MCF2L: variants seen among roughly 807,000 people sequenced by gnomAD.
The protein encoded by MCF2L is guanine nucleotide exchange factor DBS.
A neutral mutation model predicts 153.4 loss-of-function variants in MCF2L; 97 were observed. That is an observed-to-expected ratio of 0.63 (90% confidence interval 0.54 to 0.75). MCF2L has a LOEUF of 0.75. MCF2L is among the 30% of genes least tolerant of loss of function. MCF2L has a pLI of 0.00. For synonymous variants in MCF2L, 659 were observed against 632.2 expected, an observed-to-expected ratio of 1.04 and a Z score of -0.64; for missense variants, 1,347 against 1,495.2, an observed-to-expected ratio of 0.90 and a Z score of 1.64.
chr13:113,062,869 G>A (rs1040913681), intron 5 of MCF2L, among the ~76,000 whole-genome samples: 4 of 152,250 alleles, frequency 2.6e-5, no homozygotes, highest in Non-Finnish European at 5.9e-5. Flanking sequence ...TGCGGCCGTC[G>A]CAACCACAGG....
rs1271497041 is a variant in MCF2L, at chr13:113,027,953, GA to G, written c.278+3197del. 6.6e-6 allele frequency among the ~76,000 whole-genome samples: 1 copy of G among 152,202 alleles called. No homozygotes were observed. Among genetic ancestry groups the G allele is most frequent in the Non-Finnish European group, 1.5e-5 (1 of 68,022 alleles). On this transcript the variant is annotated intron_variant, in intron 3 of 29. Coordinates refer to ENST00000535094, the MANE Select transcript of MCF2L (RefSeq NM_001112732.3). This position sits in a 1 kb window ranked among gnomAD's most constrained non-coding sequence, Gnocchi z 4.8. ...CCTTTGTCTGTCACCTGCACAGGAGGAAGGGCCTGTGTCCCAGGGGACGGCC... is the reference window on the plus strand; with the variant it reads ...CCTTTGTCTGTCACCTGCACAGGAGGAGGGCCTGTGTCCCAGGGGACGGCC...
At chr13:112,944,750 T>C (rs1301511212) in intron 2 of MCF2L, among the ~76,000 whole-genome samples, 1 of 152,032 alleles carries the variant, frequency 6.6e-6, no homozygotes, top group Admixed American at 6.6e-5. Context: ...CCTCCCAAAG[T>C]GCTGGGATTA....
chr13:112,945,270 C>T (rs1268645165), intron 2 of MCF2L, among the ~76,000 whole-genome samples: 1 of 152,142 alleles, frequency 6.6e-6, no homozygotes, highest in Non-Finnish European at 1.5e-5. Flanking sequence ...TAACAGGAAG[C>T]ATGAACCCTC....
rs1400655131 is a variant in MCF2L, at chr13:113,084,077, G to A, written c.2061+10G>A. On this transcript the variant is annotated intron_variant, in intron 18 of 29. Transcript: ENST00000535094. The stretch of plus-strand genomic sequence containing the variant: ...ATGCTTTCTGGAGAGGGTAGGTGGT[G>A]TTTTGACGTGTATTTTGTCACAACT... 8 of 1,611,256 alleles carry A rather than the reference G, an allele frequency of 5.0e-6. No homozygotes were observed. Among genetic ancestry groups the A allele is most frequent in the Non-Finnish European group, 6.8e-6 (8 of 1,177,490 alleles).
chr13:113,083,264 C>T (rs559648445), intron 17 of MCF2L, among the ~76,000 whole-genome samples: 1 of 152,166 alleles, frequency 6.6e-6, no homozygotes, highest in African/African-American at 2.4e-5. Context: ...ACCAGCGTGC[C>T]CCACTGGCCA....
intron 2 of MCF2L, among the ~76,000 whole-genome samples, chr13:113,015,636 G>C (rs574557976): frequency 6.6e-6 from 1 of 152,312 alleles, no homozygotes; most frequent in East Asian, 1.9e-4. Flanking sequence ...GAGCCAGCCT[G>C]CACCCCAGGC....
At position 113,049,462 on chromosome 13, in the gene MCF2L, G is replaced by A. The variant is rs535982849; in HGVS notation, c.369+4101G>A. 9.2e-5 allele frequency among the ~76,000 whole-genome samples: 14 copies of A among 152,304 alleles called. No individual in the cohort carries two copies. In the East Asian group the frequency reaches 2.5e-3, roughly 27 times the overall value. On this transcript the variant is annotated intron_variant, in intron 4 of 29. Transcript: ENST00000535094. Reference sequence around the variant, plus strand: ...ATCTTGATTCAGTTTTTTGGAAATGGTGCAGTTGACCTGACGTGGGGACAC... The same window carrying A: ...ATCTTGATTCAGTTTTTTGGAAATGATGCAGTTGACCTGACGTGGGGACAC...
chr13:113,093,735 G>C (rs2035411830), intron 26 of MCF2L: 1 of 152,358 alleles, frequency 6.6e-6, no homozygotes, highest in African/African-American at 2.4e-5. Context: ...TTTGGCAGCA[G>C]GTGGGATGCG....
chr13:113,018,652 C>A (rs1259260389), intron 2 of MCF2L, among the ~76,000 whole-genome samples: 4 of 152,162 alleles, frequency 2.6e-5, no homozygotes, highest in Admixed American at 2.6e-4. Context: ...AAAGATACTT[C>A]AACTTGCTGA....
In MCF2L at chr13:113,058,143, G is replaced by A. The variant is rs73576891; in HGVS notation, c.370-2450G>A. 2.8e-3 allele frequency among the ~76,000 whole-genome samples: 419 copies of A among 149,380 alleles called. 4 individuals carry two copies. The highest frequency in any genetic ancestry group is 9.6e-3 in the African/African-American group (388 of 40,564). On this transcript the variant is annotated intron_variant, in intron 4 of 29. Coordinates refer to ENST00000535094, the MANE Select transcript of MCF2L (RefSeq NM_001112732.3). The stretch of plus-strand genomic sequence containing the variant: ...CTGAGTGTTTAGGTGCTGAGTGGGC[G>A]CTGTGTGTTTGGGCGCTGAGTGTTT...
intron 2 of MCF2L, chr13:112,917,346 C>G (rs991399818): frequency 2.7e-6 from 1 of 364,070 alleles, no homozygotes; most frequent in African/African-American, 2.1e-5. Flanking sequence ...TCGTCCTCAT[C>G]TGTGTTTTCA....
At chr13:112,915,716 G>C (rs551515026) in intron 2 of MCF2L, among the ~76,000 whole-genome samples, 29 of 152,100 alleles carry the variant, frequency 1.9e-4, no homozygotes, top group African/African-American at 6.8e-4. Context: ...TTTCTTTCTT[G>C]TCAATTTTTG....
At chr13:113,083,932 C>A in intron 17 of MCF2L, 66 bp from the exon 18 acceptor site, 2 of 1,151,416 alleles carry the variant, frequency 1.7e-6, no homozygotes, top group Non-Finnish European at 2.6e-6. Context: ...TGACGTCCAT[C>A]CACTTGTCAC....
At chr13:112,975,829 G>A (rs764192790) in intron 1 of MCF2L, among the ~76,000 whole-genome samples, 3 of 152,220 alleles carry the variant, frequency 2.0e-5, no homozygotes, top group South Asian at 4.1e-4. Flanking sequence ...GGTGACATCC[G>A]TGGTCACTGT....
At chr13:113,073,616 A>G (rs2033136472) in intron 9 of MCF2L, among the ~76,000 whole-genome samples, 1 of 152,212 alleles carries the variant, frequency 6.6e-6, no homozygotes, top group African/African-American at 2.4e-5. Flanking sequence ...ATAAGTGGTC[A>G]TATGTTTTAA....
rs118044020 is a variant in MCF2L, at chr13:113,002,806, T to G, written c.80-11957T>G. ...GAATAATTCATAAAATAAGCATCTT[T>G]GTGAATTTTAGTGAATCAGACCTTA... is the stretch of plus-strand genomic sequence containing the variant. On this transcript the variant is annotated intron_variant, in intron 1 of 29. Coordinates refer to ENST00000535094, the MANE Select transcript of MCF2L (RefSeq NM_001112732.3). 7.5e-3 allele frequency among the ~76,000 whole-genome samples: 1,150 copies of G among 152,366 alleles called. 5 individuals carry two copies. Among genetic ancestry groups the G allele is most frequent in the Admixed American group, 0.014 (213 of 15,308 alleles).
Position 113,064,516 on chromosome 13 carries a change from C to T in MCF2L, c.606+96C>T, listed in dbSNP as rs2032056192. ...TACAACACGGCCCTTTCCAAAAACA[C>T]ATTCACATTAACAGTCGTTTTCTTT... On this transcript the variant is annotated intron_variant, in intron 6 of 29. Transcript: ENST00000535094. This position sits in a 1 kb window ranked among gnomAD's most constrained non-coding sequence, Gnocchi z 6.0. 9.2e-6 allele frequency: 7 copies of T among 763,706 alleles called. No individual in the cohort carries two copies. The highest frequency in any genetic ancestry group is 8.7e-5 in the South Asian group (6 of 69,144). The allele number at this position is 763,706 out of a possible 1,614,324, so 47.3% of individuals were successfully genotyped here. A position where few individuals can be genotyped will look rare whatever the true frequency, so the allele number is the denominator to read the frequency against.
intron 1 of MCF2L, among the ~76,000 whole-genome samples, chr13:113,000,942 A>T (rs2083342752): frequency 6.6e-6 from 1 of 151,872 alleles, no homozygotes; most frequent in Non-Finnish European, 1.5e-5. Context: ...ATGTGCGTTG[A>T]CTCCAGCACT....
chr13:113,065,887 G>C (rs2032282894), intron 7 of MCF2L, among the ~76,000 whole-genome samples, 159 bp from the exon 8 acceptor site: 2 of 152,320 alleles, frequency 1.3e-5, no homozygotes, highest in Admixed American at 6.5e-5. Flanking sequence ...CCGCCTGCCC[G>C]CACGACCCCA....
Sources: gnomAD v4.1 joint callset for allele counts (sites outside exome capture counted in the v4.1 genomes callset) on GRCh38, gnomAD v4.1.1 for gene constraint, Gnocchi (gnomAD v3.1) non-coding constraint, MANE v1.5 for transcripts, NCBI Gene and HGNC (gene_info 2026-07-23, HGNC 2026-07-21) for gene names.